The following SH3YL1 variants were observed in gnomAD, a reference collection of about 807,000 sequenced individuals.
The protein encoded by SH3YL1 is SH3 and SYLF domain containing 1, also known as SH3 domain-containing YSC84-like protein 1.
Under a neutral mutation model 45.8 loss-of-function variants are expected in SH3YL1, and 41 were observed. The ratio of observed to expected loss-of-function variants is 0.89; its 90% CI spans 0.70 to 1.16. SH3YL1 has a LOEUF of 1.16. Among genes scored for constraint, SH3YL1 ranks in the 50% most tolerant of loss-of-function variants. SH3YL1 has a pLI of 0.00. For missense variants in SH3YL1, 389 were observed against 409.6 expected (o/e 0.95, Z 0.43); for synonymous variants, 152 against 151.4 (o/e 1.00, Z -0.03).
intron 4 of SH3YL1, among the ~76,000 whole-genome samples, chr2:234,700 C>T (rs1244391021): frequency 6.6e-6 from 1 of 152,126 alleles, no homozygotes; most frequent in African/African-American, 2.4e-5. Context: ...AAGAGCACAG[C>T]ACCAGGGACG....
At chr2:245,197 C>T (rs982679082) in intron 4 of SH3YL1, among the ~76,000 whole-genome samples, 15 of 152,142 alleles carry the variant, frequency 9.9e-5, no homozygotes, top group Admixed American at 3.9e-4. Context: ...CACAATTACA[C>T]GCAGAGACTT....
At chr2:254,687 A>G (rs1290137367) in intron 1 of SH3YL1, among the ~76,000 whole-genome samples, 1 of 152,226 alleles carries the variant, frequency 6.6e-6, no homozygotes, top group Non-Finnish European at 1.5e-5. Flanking sequence ...CTCCCATTTT[A>G]TTCCTAAAAA....
chr2:249,697 G>C, intron 3 of SH3YL1, 34 bp downstream of exon 3: 3 of 1,408,096 alleles, frequency 2.1e-6, no homozygotes, highest in Non-Finnish European at 2.0e-6. Context: ...AAAGAATGAA[G>C]ACTCTCTACT....
chr2:264,017 G>T lies in SH3YL1; in HGVS notation c.-33C>A. The stretch of plus-strand genomic sequence containing the variant: ...GCCCGGCCGCGGCGCCCCGTCCCGA[G>T]GCTGCCCAGGAAGAGGAAGGCGCGC... On this transcript the variant is annotated 5_prime_UTR_variant, in exon 1 of 10. Transcript: ENST00000356150. 7.0e-7 allele frequency: 1 copy of T among 1,432,074 alleles called. No individual in the cohort carries two copies. Among genetic ancestry groups the T allele is most frequent in the Non-Finnish European group, 9.2e-7 (1 of 1,086,498 alleles). The allele number at this position is 1,432,074 out of a possible 1,614,324, so 88.7% of individuals were successfully genotyped here.
At chr2:255,446 A>T (rs909885046) in intron 1 of SH3YL1, among the ~76,000 whole-genome samples, 17 of 152,162 alleles carry the variant, frequency 1.1e-4, no homozygotes, top group African/African-American at 3.9e-4. Flanking sequence ...AAAATGATTT[A>T]AAAAATTAGC....
intron 3 of SH3YL1, 64 bp from the exon 4 acceptor site, chr2:247,666 A>C: frequency 7.7e-7 from 1 of 1,294,480 alleles, no homozygotes; most frequent in South Asian, 1.4e-5. Context: ...AAATATAGGA[A>C]GGAAAAATGC....
intron 9 of SH3YL1, among the ~76,000 whole-genome samples, chr2:223,573 T>C (rs1169394900): frequency 2.6e-5 from 4 of 152,228 alleles, no homozygotes; most frequent in Non-Finnish European, 4.4e-5. Flanking sequence ...TGTCAACATT[T>C]ATACCTTAAC....
At chr2:229,536 C>T (rs7596838) in intron 8 of SH3YL1, among the ~76,000 whole-genome samples, 8 of 151,534 alleles carry the variant, frequency 5.3e-5, no homozygotes, top group Middle Eastern at 6.8e-3. Context: ...GAGACCATCC[C>T]GGCTAAAACG....
Position 247,600 on chromosome 2 carries a change from A to T in SH3YL1, c.229T>A (p.Trp77Arg), listed in dbSNP as rs1668882036. The change falls in exon 4 of 10, where the codon TGG becomes AGG. Residue 77 changes from tryptophan to arginine, a missense_variant and splice_region_variant. Transcript: ENST00000356150. ...IVVARLPDGKWSAPSAIGIAG... is the reference protein window; with the variant it reads ...IVVARLPDGKRSAPSAIGIAG... ...ATCCCAATGGCTGAGGGTGCAGACC[A>T]TTCTAATAAAAAAACAAACGAACGT... 6.5e-7 allele frequency: 1 copy of T among 1,549,184 alleles called. No homozygotes were observed. The highest frequency in any genetic ancestry group is 8.7e-7 in the Non-Finnish European group (1 of 1,146,136).
At chr2:221,764 G>A (rs1459350410) in intron 9 of SH3YL1, among the ~76,000 whole-genome samples, 1 of 152,160 alleles carries the variant, frequency 6.6e-6, no homozygotes. Flanking sequence ...GAGTTGAGCT[G>A]TTGTTGGAGA....
At position 218,891 on chromosome 2, in the gene SH3YL1, C is replaced by A; in HGVS notation, c.949G>T (p.Asp317Tyr). The A allele has an allele frequency of 6.2e-7, 1 of 1,614,066 alleles. No homozygotes were observed. The highest frequency in any genetic ancestry group is 8.5e-7 in the Non-Finnish European group (1 of 1,179,968). ...GDRITVISKT[D>Y]SHFDWWEGKL... ...CCTTCCCACCAATCAAAATGTGAAT[C>A]TGTTTTTGATATAACTGTGATTCTG... The change falls in exon 10 of 10, where the codon GAT becomes TAT. Residue 317 changes from aspartate to tyrosine, a missense_variant. Coordinates refer to ENST00000356150, the MANE Select transcript of SH3YL1 (RefSeq NM_015677.4).
At position 248,028 on chromosome 2, in the gene SH3YL1, G is replaced by A. The variant is rs931381697; in HGVS notation, c.227-426C>T. Among the ~76,000 whole-genome samples, 7 of 152,234 alleles carry A rather than the reference G, an allele frequency of 4.6e-5. No individual in the cohort carries two copies. In the East Asian group the frequency reaches 5.8e-4, roughly 13 times the overall value. On this transcript the variant is annotated intron_variant, in intron 3 of 9. Coordinates refer to ENST00000356150, the MANE Select transcript of SH3YL1 (RefSeq NM_015677.4). The stretch of plus-strand genomic sequence containing the variant: ...GATTCGAGAGAGTTGATTATCTAAC[G>A]GTAACATAATAATTGTTTCCATTGT...
At chr2:249,088 G>A (rs1402874518) in intron 3 of SH3YL1, among the ~76,000 whole-genome samples, 1 of 152,140 alleles carries the variant, frequency 6.6e-6, no homozygotes, top group African/African-American at 2.4e-5. Flanking sequence ...AACAGCAAAT[G>A]TTAAATTGGT....
chr2:252,222 C>T (rs1400900968), intron 2 of SH3YL1, among the ~76,000 whole-genome samples: 1 of 152,158 alleles, frequency 6.6e-6, no homozygotes, highest in Admixed American at 6.5e-5. Context: ...GATACTGATG[C>T]ACATCTGTGT....
chr2:259,320 A>G (rs1478595130), intron 1 of SH3YL1: 1 of 152,064 alleles, frequency 6.6e-6, no homozygotes, highest in Non-Finnish European at 1.5e-5. Flanking sequence ...TTTCTCATGC[A>G]CCTTGTTATT....
rs898968729 is a variant in SH3YL1 at position 234,523 on chromosome 2, C to T, written c.292-251G>A. On this transcript the variant is annotated intron_variant, in intron 4 of 9. Transcript: ENST00000356150. ...ATGTGTATACTATGAGGTTTACCTG[C>T]ATCATGTCCTTCAATCTTCCACACA... Among the ~76,000 whole-genome samples the T allele has an allele frequency of 2.0e-5, 3 of 152,154 alleles. No individual in the cohort carries two copies. The East Asian group carries it at 5.8e-4, about 29-fold the overall frequency.
Position 238,364 on chromosome 2 carries a change from C to A in SH3YL1, c.292-4092G>T, listed in dbSNP as rs1046737399. On this transcript the variant is annotated intron_variant, in intron 4 of 9. Coordinates refer to ENST00000356150, the MANE Select transcript of SH3YL1 (RefSeq NM_015677.4). Reference sequence around the variant, plus strand: ...TGGAGCGTCCTTCCAGCAACAACACCCCCTCCATTCCTCAGACCAACAGAT... The same window carrying A: ...TGGAGCGTCCTTCCAGCAACAACACACCCTCCATTCCTCAGACCAACAGAT... Among the ~76,000 whole-genome samples the A allele has an allele frequency of 2.6e-5, 4 of 151,524 alleles. No homozygotes were observed. In the East Asian group the frequency reaches 5.8e-4, roughly 22 times the overall value.
chr2:239,561 T>C (rs1668454872), intron 4 of SH3YL1: 1 of 152,194 alleles, frequency 6.6e-6, no homozygotes, highest in African/African-American at 2.4e-5. Flanking sequence ...GACCATTTTA[T>C]TCAACTTAAA....
rs1668997435 is a variant in SH3YL1 at position 249,805 on chromosome 2, G to T, written c.152C>A (p.Ser51Tyr). Reference sequence around the variant, plus strand: ...CACCAGGAACCCGGCTTTGATCACAGACAGAATTGCAAGGCCTTTAGCCTT... The same window carrying T: ...CACCAGGAACCCGGCTTTGATCACATACAGAATTGCAAGGCCTTTAGCCTT... ...IAKAKGLAIL[S>Y]VIKAGFLVTA... Residue 51 changes from serine to tyrosine, a missense_variant, in exon 3 of 10, where the codon TCT (serine) becomes TAT (tyrosine). Physicochemically the swap from Ser to Tyr is moderately radical, Grantham distance 144 (BLOSUM62 -2). Transcript: ENST00000356150. 1 of 1,552,040 alleles carries T rather than the reference G, an allele frequency of 6.4e-7. No individual in the cohort carries two copies.
Sources: allele counts gnomAD v4.1 joint callset (sites outside exome capture counted in the v4.1 genomes callset), GRCh38; gene constraint gnomAD v4.1.1; transcripts MANE v1.5; gene names NCBI Gene and HGNC (gene_info 2026-07-23, HGNC 2026-07-21).